Variants in ZHX3 observed in about 807,000 individuals in gnomAD.
ZHX3 encodes zinc fingers and homeoboxes protein 3.
ZHX3 carries 20 observed loss-of-function variants against 64.5 expected under a neutral mutation model. The ratio of observed to expected loss-of-function variants is 0.31; its 90% CI spans 0.22 to 0.45. ZHX3 has a LOEUF of 0.45. ZHX3 is among the 20% of genes least tolerant of loss of function. ZHX3 has a pLI of 1.00. For synonymous variants in ZHX3, 423 were observed against 461.6 expected (o/e 0.92, Z 1.07); for missense variants, 1,041 against 1,195.8 (o/e 0.87, Z 1.91).
At position 41,202,338 on chromosome 20, in the gene ZHX3, A is replaced by G; in HGVS notation, c.2579T>C (p.Leu860Pro). 1 of 1,614,114 alleles carries G rather than the reference A, an allele frequency of 6.2e-7. No individual in the cohort carries two copies. The highest frequency in any genetic ancestry group is 8.5e-7 in the Non-Finnish European group (1 of 1,180,014). The change falls in exon 3 of 4, where the codon CTG (leucine) becomes CCG (proline). Residue 860 changes from leucine (L) to proline (P), a missense_variant. Around this residue, in one of 4 missense-constraint regions of ZHX3, gnomAD observed 649 missense variants for 739.8 expected, o/e 0.88. Coordinates refer to ENST00000683867, the MANE Select transcript of ZHX3 (RefSeq NM_001384317.1). This position sits in a 1 kb window ranked among gnomAD's most constrained non-coding sequence, Gnocchi z 7.0. ...GAGGTTCTGCAGGTCCTCTTCATAC[A>G]GCATCTTGTGTGTCATGTAATAGTC... ...LQDYYMTHKM[L>P]YEEDLQNLCD...
chr20:41,223,106 T>C (rs2040054978), intron 2 of ZHX3, among the ~76,000 whole-genome samples: 1 of 152,140 alleles, frequency 6.6e-6, no homozygotes, highest in African/African-American at 2.4e-5. Flanking sequence ...AAATTAAAAT[T>C]ACTCTGATTA....
intron 1 of ZHX3, chr20:41,290,677 CCTTAGGTCATACAGCTA>C (rs1234576861): frequency 6.6e-6 from 1 of 152,196 alleles, no homozygotes; most frequent in African/African-American, 2.4e-5. Context: ...AAGGGACCTG[CCTTAGGTCATACAGCTA>C]CTAGTATGCA....
At chr20:41,211,912 T>G (rs1438118383) in intron 2 of ZHX3, among the ~76,000 whole-genome samples, 1 of 152,234 alleles carries the variant, frequency 6.6e-6, no homozygotes, top group Non-Finnish European at 1.5e-5. Context: ...AAGTGCTTTA[T>G]GATCCCAAAT....
chr20:41,313,691 G>A (rs148779067), intron 1 of ZHX3, among the ~76,000 whole-genome samples: 1 of 143,676 alleles, frequency 7.0e-6, no homozygotes, highest in Non-Finnish European at 1.5e-5. Flanking sequence ...TCCGCCTCCT[G>A]GGTTCACGCC....
intron 1 of ZHX3, among the ~76,000 whole-genome samples, chr20:41,312,250 TTGTAAAATGGACCAATCAGCACCC>T (rs1357057620): frequency 2.6e-5 from 4 of 151,996 alleles, no homozygotes; most frequent in African/African-American, 9.7e-5. Flanking sequence ...AGCTAGAGGT[TTGTAAAATGGACCAATCAGCACCC>T]TGTAAAATGG....
intron 2 of ZHX3, among the ~76,000 whole-genome samples, chr20:41,213,406 GGT>G (rs139648982): frequency 0.014 from 2,132 of 152,282 alleles, 74 homozygotes; most frequent in East Asian, 0.11. Context: ...TTTCAATATA[GGT>G]GACACAGTTC....
In ZHX3 at chr20:41,317,701, C is replaced by T. The variant is rs1221132085; in HGVS notation, c.-437G>A. 3 of 151,776 alleles carry T rather than the reference C, an allele frequency of 2.0e-5. No homozygotes were observed. The highest frequency in any genetic ancestry group is 6.6e-5 in the Admixed American group (1 of 15,240). The allele number at this position is 151,776 out of a possible 1,614,324, so 9.4% of individuals were successfully genotyped here. A position where few individuals can be genotyped will look rare whatever the true frequency, so the allele number is the denominator to read the frequency against. ...CGACTCCGGGCCGCTCGGCTGGGCT[C>T]GGCCGCTCTCGGAGGCGCTCGGCTC... On this transcript the variant is annotated 5_prime_UTR_variant, in exon 1 of 4. Transcript: ENST00000683867.
chr20:41,275,434 G>GA (rs377720138), intron 1 of ZHX3, among the ~76,000 whole-genome samples: 1 of 150,470 alleles, frequency 6.6e-6, no homozygotes, highest in African/African-American at 2.4e-5. Context: ...GAGGGCAAGG[G>GA]AAAAAAAAAT....
intron 2 of ZHX3, among the ~76,000 whole-genome samples, chr20:41,258,335 A>G (rs980598789): frequency 3.3e-5 from 5 of 152,228 alleles, no homozygotes; most frequent in Admixed American, 2.0e-4. Flanking sequence ...TATATTTACC[A>G]GAACCAGAAC....
intron 2 of ZHX3, among the ~76,000 whole-genome samples, chr20:41,265,201 A>ATT (rs764092804): frequency 7.0e-6 from 1 of 142,916 alleles, no homozygotes; most frequent in Non-Finnish European, 1.5e-5. Context: ...ATTACGATAA[A>ATT]TTTTTTTTTT....
intron 2 of ZHX3, among the ~76,000 whole-genome samples, chr20:41,221,080 G>C (rs1236500571): frequency 1.3e-5 from 2 of 152,110 alleles, no homozygotes; most frequent in Non-Finnish European, 2.9e-5. Context: ...ATAATCCTCA[G>C]TTCCTGTACT....
At chr20:41,197,911 T>C (rs1202293970) in intron 3 of ZHX3, among the ~76,000 whole-genome samples, 5 of 152,018 alleles carry the variant, frequency 3.3e-5, no homozygotes, top group Admixed American at 3.3e-4. Context: ...TCTTTTAAAT[T>C]ATAAAGCACA....
rs1181406331 is a variant in ZHX3 at position 41,203,591 on chromosome 20, A to G, written c.1326T>C (p.Pro442=). 6.2e-7 allele frequency: 1 copy of G among 1,614,160 alleles called. No homozygotes were observed. The highest frequency in any genetic ancestry group is 2.2e-5 in the East Asian group (1 of 44,884). Residue 442 remains proline, a synonymous_variant, in exon 3 of 4, where the codon CCT becomes CCC. Transcript: ENST00000683867. The surrounding 1 kb of genome is among the most constrained non-coding windows in gnomAD (Gnocchi z 7.1). ...MANGLQATSS[P]LPLTVTSVPK... is the part of the protein sequence containing the mutation. ...GGACGGATGTCACCGTGAGGGGGAG[A>G]GGGGAACTTGTTGCTTGCAACCCAT...
chr20:41,299,871 C>CCA (rs1300377413), intron 1 of ZHX3: 3 of 55,010 alleles, frequency 5.5e-5, no homozygotes, highest in African/African-American at 6.8e-5. Flanking sequence ...GACTCGGTCT[C>CCA]AAAAAAAAAA....
intron 2 of ZHX3, among the ~76,000 whole-genome samples, chr20:41,245,453 T>C (rs1452213401): frequency 6.6e-6 from 1 of 152,222 alleles, no homozygotes; most frequent in East Asian, 1.9e-4. Context: ...GTTCTGTGAC[T>C]CTAGTATTTC....
chr20:41,312,074 G>A (rs1243753927), intron 1 of ZHX3, among the ~76,000 whole-genome samples: 2 of 152,196 alleles, frequency 1.3e-5, no homozygotes, highest in Non-Finnish European at 2.9e-5. Flanking sequence ...GGTAAAGCCA[G>A]CTGGACTTCC....
At chr20:41,301,234 C>T (rs2044790851) in intron 1 of ZHX3, among the ~76,000 whole-genome samples, 2 of 152,090 alleles carry the variant, frequency 1.3e-5, no homozygotes, top group African/African-American at 2.4e-5. Flanking sequence ...TCCTCCTTTT[C>T]CCCCACCGAC....
intron 2 of ZHX3, among the ~76,000 whole-genome samples, chr20:41,216,329 C>G (rs1016763473): frequency 3.3e-5 from 5 of 152,002 alleles, no homozygotes; most frequent in Admixed American, 2.0e-4. Context: ...ATTTCTCTCT[C>G]GGAAAGAAAG....
chr20:41,309,629 C>T (rs924595671), intron 1 of ZHX3, among the ~76,000 whole-genome samples: 7 of 152,208 alleles, frequency 4.6e-5, no homozygotes, highest in Non-Finnish European at 7.3e-5. Flanking sequence ...CCTTCCAGGT[C>T]ACTACTTTTC....
Sources: gnomAD v4.1 joint callset for allele counts (sites outside exome capture counted in the v4.1 genomes callset) on GRCh38, gnomAD v4.1.1 for gene constraint, gnomAD v4.1.1 regional missense constraint, Gnocchi (gnomAD v3.1) non-coding constraint, MANE v1.5 for transcripts, NCBI Gene and HGNC (gene_info 2026-07-23, HGNC 2026-07-21) for gene names.